The following MAP2K1 variants were observed in gnomAD, a reference collection of about 807,000 sequenced individuals.
MAP2K1 encodes the protein mitogen-activated protein kinase kinase 1, also known as dual specificity mitogen-activated protein kinase kinase 1.
In MAP2K1, 16 loss-of-function variants were observed where a neutral mutation model predicts 46.3. The ratio of observed to expected loss-of-function variants is 0.35; its 90% CI spans 0.23 to 0.52. MAP2K1 has a LOEUF of 0.52. Ranked by LOEUF, MAP2K1 falls within the 20% of genes least tolerant of loss-of-function variation. The probability of loss-of-function intolerance (pLI) is 0.94; values close to 1 mark genes in which losing one functional copy is unlikely to be tolerated. For synonymous variants in MAP2K1, 183 were observed against 185.6 expected, an observed-to-expected ratio of 0.99 and a Z score of 0.11; for missense variants, 263 against 497.1, an observed-to-expected ratio of 0.53 and a Z score of 4.48.
chr15:66,459,917 C>T (rs140857049), intron 5 of MAP2K1, among the ~76,000 whole-genome samples: 2,658 of 152,340 alleles, frequency 0.017, 33 homozygotes, highest in Non-Finnish European at 0.025. Flanking sequence ...TGCCAGGCAT[C>T]GCTGAGCAGA....
chr15:66,407,916 A>G (rs983119772), intron 1 of MAP2K1, among the ~76,000 whole-genome samples: 8 of 152,226 alleles, frequency 5.3e-5, no homozygotes, highest in African/African-American at 1.2e-4. Flanking sequence ...AGTATGTTCT[A>G]TTTGGAATTT....
chr15:66,463,495 T>A lies in MAP2K1; in HGVS notation c.569-18260T>A, dbSNP rs559948308. On this transcript the variant is annotated intron_variant, in intron 5 of 10. Transcript: ENST00000307102. ...TCAGGGCAGGGGTTTTTTCATTAAT[T>A]TTTGAAACGGAGTCTCACCTCTTGT... is the stretch of plus-strand genomic sequence containing the variant. Among the ~76,000 whole-genome samples the A allele has an allele frequency of 7.2e-4, 43 of 59,936 alleles. No individual in the cohort carries two copies. In the South Asian group the frequency reaches 0.032, roughly 44 times the overall value. The allele number at this position is 59,936 out of a possible 152,430, so 39.3% of individuals were successfully genotyped here. A position where few individuals can be genotyped will look rare whatever the true frequency, so the allele number is the denominator to read the frequency against.
intron 4 of MAP2K1, among the ~76,000 whole-genome samples, chr15:66,443,961 G>C (rs1891789614): frequency 6.6e-6 from 1 of 152,212 alleles, no homozygotes; most frequent in African/African-American, 2.4e-5. Flanking sequence ...TAAGGGGCTG[G>C]GCGCGGTGGC....
At chr15:66,426,884 G>C (rs2093460509) in intron 1 of MAP2K1, among the ~76,000 whole-genome samples, 1 of 152,198 alleles carries the variant, frequency 6.6e-6, no homozygotes. Flanking sequence ...GAACTCTCCA[G>C]GTAAATACCA....
intron 1 of MAP2K1, among the ~76,000 whole-genome samples, chr15:66,420,839 ATGTGTGTATATATATG>A (rs2093438644): frequency 1.1e-5 from 1 of 92,476 alleles, no homozygotes; most frequent in Non-Finnish European, 2.4e-5. Flanking sequence ...GTGTATATAT[ATGTGTGTATATATATG>A]TGTGTATATA....
At chr15:66,424,397 G>A (rs1007428259) in intron 1 of MAP2K1, among the ~76,000 whole-genome samples, 6 of 152,276 alleles carry the variant, frequency 3.9e-5, no homozygotes, top group African/African-American at 1.4e-4. Context: ...GATATTATGT[G>A]GTAGAACAGA....
chr15:66,389,669 G>T lies in MAP2K1; in HGVS notation c.80+2242G>T, dbSNP rs8036038. On this transcript the variant is annotated intron_variant, in intron 1 of 10. Coordinates refer to ENST00000307102, the MANE Select transcript of MAP2K1 (RefSeq NM_002755.4). ...GGCTCACCACAACCTCCACCTCCCG[G>T]CTTCAAGCGATTCTCCTGCCTCAGC... Among the ~76,000 whole-genome samples, 444 of 144,786 alleles carry T rather than the reference G, an allele frequency of 3.1e-3. 2 individuals carry two copies. Among genetic ancestry groups the T allele is most frequent in the African/African-American group, 0.011 (422 of 38,812 alleles). The allele number at this position is 144,786 out of a possible 152,430, so 95.0% of individuals were successfully genotyped here.
At chr15:66,408,623 A>G (rs1402227007) in intron 1 of MAP2K1, among the ~76,000 whole-genome samples, 1 of 152,140 alleles carries the variant, frequency 6.6e-6, no homozygotes, top group Non-Finnish European at 1.5e-5. Flanking sequence ...TTTTGGTGGC[A>G]TAACTGGAAG....
At chr15:66,410,657 C>A (rs756351751) in intron 1 of MAP2K1, among the ~76,000 whole-genome samples, 2 of 152,262 alleles carry the variant, frequency 1.3e-5, no homozygotes, top group Middle Eastern at 3.4e-3. Context: ...TTCCAGTATT[C>A]TACATTCTCT....
chr15:66,454,744 G>A (rs1053126248), intron 5 of MAP2K1, among the ~76,000 whole-genome samples: 3 of 152,040 alleles, frequency 2.0e-5, no homozygotes, highest in Non-Finnish European at 2.9e-5. Context: ...TTAGCTCGGC[G>A]TGGTGCCGTG....
rs539065277 is a variant in MAP2K1, at chr15:66,440,278, A to C, written c.439-3002A>C. Among the ~76,000 whole-genome samples the C allele has an allele frequency of 4.6e-5, 7 of 152,096 alleles. No homozygotes were observed. The South Asian group carries it at 1.5e-3, about 32-fold the overall frequency. On this transcript the variant is annotated intron_variant, in intron 3 of 10. Transcript: ENST00000307102. ...GGCTCATTTTTGTGTTTTTAGAAGA[A>C]ATGGGGTTTCACTATGTTGCCTGTG...
chr15:66,398,801 C>G (rs1359489486), intron 1 of MAP2K1, among the ~76,000 whole-genome samples: 1 of 142,686 alleles, frequency 7.0e-6, no homozygotes. Flanking sequence ...TTGAGACAGT[C>G]TCACTCTTGT....
At chr15:66,418,263 G>A (rs988717126) in intron 1 of MAP2K1, among the ~76,000 whole-genome samples, 10 of 152,110 alleles carry the variant, frequency 6.6e-5, no homozygotes, top group African/African-American at 2.2e-4. Context: ...GCTGAAGAGT[G>A]AATTGGCCTT....
At chr15:66,432,339 C>CATAGGAG (rs1257145629) in intron 1 of MAP2K1, among the ~76,000 whole-genome samples, 2 of 152,152 alleles carry the variant, frequency 1.3e-5, no homozygotes, top group Non-Finnish European at 2.9e-5. Context: ...AACGGCAAGG[C>CATAGGAG]ATAGGAGGTA....
At chr15:66,441,094 C>T (rs2093502381) in intron 3 of MAP2K1, among the ~76,000 whole-genome samples, 1 of 152,094 alleles carries the variant, frequency 6.6e-6, no homozygotes, top group African/African-American at 2.4e-5. Flanking sequence ...TCCCAAGTAG[C>T]AGGAGGACAA....
chr15:66,439,935 C>A (rs1474933719), intron 3 of MAP2K1, among the ~76,000 whole-genome samples: 181 of 115,656 alleles, frequency 1.6e-3, no homozygotes, highest in Admixed American at 1.7e-3. Flanking sequence ...AACTCCATCT[C>A]AAAAAAAAAA....
At chr15:66,432,958 C>CTGTGTGTG (rs1430276423) in intron 1 of MAP2K1, among the ~76,000 whole-genome samples, 10 of 37,540 alleles carry the variant, frequency 2.7e-4, no homozygotes, top group Non-Finnish European at 6.4e-4. Context: ...CCATCATGCA[C>CTGTGTGTG]AGTGTGTGTG....
At chr15:66,448,742 G>A (rs1017888051) in intron 5 of MAP2K1, among the ~76,000 whole-genome samples, 4 of 152,038 alleles carry the variant, frequency 2.6e-5, no homozygotes, top group African/African-American at 9.7e-5. Flanking sequence ...AGTGGCTCAC[G>A]CCTGTAATCC....
At chr15:66,414,136 T>C (rs1427758010) in intron 1 of MAP2K1, among the ~76,000 whole-genome samples, 3 of 152,016 alleles carry the variant, frequency 2.0e-5, no homozygotes, top group Admixed American at 1.3e-4. Flanking sequence ...AACTCACCTT[T>C]TCCAAAAAAT....
Sources: allele counts gnomAD v4.1 joint callset (sites outside exome capture counted in the v4.1 genomes callset), GRCh38; gene constraint gnomAD v4.1.1; transcripts MANE v1.5; gene names NCBI Gene and HGNC (gene_info 2026-07-23, HGNC 2026-07-21).